ACOT7: variants seen among roughly 807,000 people sequenced by gnomAD.
ACOT7 encodes the protein acyl-CoA thioesterase 7.
ACOT7 carries 12 observed loss-of-function variants against 40.2 expected under a neutral mutation model. The observed-to-expected ratio is 0.30, with a 90% confidence interval of 0.19 to 0.48. The LOEUF (loss-of-function observed/expected upper bound fraction) is 0.48. ACOT7 is among the 20% of genes least tolerant of loss of function. ACOT7 has a pLI of 0.99. For synonymous variants in ACOT7, 228 were observed against 219.5 expected (o/e 1.04, Z -0.34); for missense variants, 395 against 530.8 (o/e 0.74, Z 2.51).
At chr1:6,310,418 C>A (rs112936874) in intron 6 of ACOT7, among the ~76,000 whole-genome samples, 17 of 152,296 alleles carry the variant, frequency 1.1e-4, no homozygotes, top group Admixed American at 6.5e-4. Flanking sequence ...CGCCCACCAG[C>A]GTGGGAGGAT....
chr1:6,307,410 T>C (rs7546602), intron 6 of ACOT7, among the ~76,000 whole-genome samples: 13,118 of 152,270 alleles, frequency 0.086, 974 homozygotes, highest in African/African-American at 0.19. Flanking sequence ...TAAGTGGGAA[T>C]GCAGGAGTGA....
rs1222608181 is a variant in ACOT7, at chr1:6,285,138, G to A, written c.830-3852C>T. ...CCAGGGGGCCCAAAGCAGGTATCCA[G>A]TTGACAGGCTGGACCCCTCTGGGGA... On this transcript the variant is annotated intron_variant, in intron 7 of 8. Coordinates refer to ENST00000361521, the MANE Select transcript of ACOT7 (RefSeq NM_007274.4). Among the ~76,000 whole-genome samples the A allele has an allele frequency of 2.0e-5, 3 of 152,304 alleles. No homozygotes were observed. The East Asian group carries it at 5.8e-4, about 29-fold the overall frequency.
At chr1:6,266,547 G>A (rs910335333) in intron 8 of ACOT7, among the ~76,000 whole-genome samples, 1 of 152,362 alleles carries the variant, frequency 6.6e-6, no homozygotes, top group East Asian at 1.9e-4. Flanking sequence ...GCTGTGGCCC[G>A]CGGACCACAT....
chr1:6,377,067 A>C (rs1174550148), intron 1 of ACOT7, among the ~76,000 whole-genome samples: 1 of 152,220 alleles, frequency 6.6e-6, no homozygotes, highest in South Asian at 2.1e-4. Flanking sequence ...GCCTAAACCC[A>C]AAGTACTGAC....
intron 1 of ACOT7, among the ~76,000 whole-genome samples, chr1:6,391,488 AGAGT>A (rs1227407520): frequency 6.6e-6 from 1 of 152,246 alleles, no homozygotes; most frequent in Non-Finnish European, 1.5e-5. Flanking sequence ...CCCGGGTGAC[AGAGT>A]GAGACTCTGT....
At chr1:6,266,036 C>T (rs922264036) in intron 8 of ACOT7, among the ~76,000 whole-genome samples, 2 of 152,286 alleles carry the variant, frequency 1.3e-5, no homozygotes, top group African/African-American at 4.8e-5. Context: ...ATGGAATCTT[C>T]GGGTATTTAA....
intron 7 of ACOT7, among the ~76,000 whole-genome samples, chr1:6,287,563 T>C (rs1156814646): frequency 6.6e-6 from 1 of 152,164 alleles, no homozygotes; most frequent in Non-Finnish European, 1.5e-5. Context: ...TGGGCTGAAT[T>C]GTGAATTACA....
chr1:6,306,568 G>C lies in ACOT7; in HGVS notation c.713-11588C>G. The C allele has an allele frequency of 1.0e-6, 1 of 985,438 alleles. No homozygotes were observed. Among genetic ancestry groups the C allele is most frequent in the Non-Finnish European group, 1.2e-6 (1 of 829,928 alleles). 61.0% of individuals were successfully genotyped at this position (985,438 alleles called of 1,614,324 possible). A position where few individuals can be genotyped will look rare whatever the true frequency, so the allele number is the denominator to read the frequency against. ...TTCAGAACAGAAGAACCTGGAGAAC[G>C]ATGTTTTCAAACACCAAGATCCTAG... is the stretch of plus-strand genomic sequence containing the variant. On this transcript the variant is annotated intron_variant, in intron 6 of 8. Transcript: ENST00000361521. This position sits in a 1 kb window ranked among gnomAD's most constrained non-coding sequence, Gnocchi z 4.3.
intron 3 of ACOT7, among the ~76,000 whole-genome samples, chr1:6,334,369 C>T (rs1641043175): frequency 6.6e-6 from 1 of 152,262 alleles, no homozygotes; most frequent in African/African-American, 2.4e-5. Flanking sequence ...CCCAGAAAGA[C>T]ACTTGGCCCA....
At chr1:6,371,361 CCTTT>C (rs1642130166) in intron 1 of ACOT7, among the ~76,000 whole-genome samples, 1 of 127,058 alleles carries the variant, frequency 7.9e-6, no homozygotes, top group Non-Finnish European at 1.6e-5. Context: ...GTCAGCCTGT[CCTTT>C]TTTTTTTTTT....
At position 6,383,741 on chromosome 1, in the gene ACOT7, G is replaced by A. The variant is rs539322426; in HGVS notation, c.143+9516C>T. Among the ~76,000 whole-genome samples the A allele has an allele frequency of 4.6e-5, 7 of 151,302 alleles. No homozygotes were observed. In the East Asian group the frequency reaches 5.9e-4, roughly 13 times the overall value. On this transcript the variant is annotated intron_variant, in intron 1 of 8. Coordinates refer to ENST00000361521, the MANE Select transcript of ACOT7 (RefSeq NM_007274.4). The stretch of plus-strand genomic sequence containing the variant: ...TTCTTTTGAGACGGAGTCTTGCTCC[G>A]TGGCCCAGGCTGGAGTGCAGTGGCA...
intron 2 of ACOT7, among the ~76,000 whole-genome samples, chr1:6,341,356 C>T (rs2148446787): frequency 6.6e-6 from 1 of 152,176 alleles, no homozygotes; most frequent in Middle Eastern, 3.4e-3. Context: ...TGGCCTCAAA[C>T]TCTTGACTTC....
Position 6,330,129 on chromosome 1 carries a change from G to T in ACOT7, c.511-2716C>A. On this transcript the variant is annotated intron_variant, in intron 4 of 8. Transcript: ENST00000361521. This position sits in a 1 kb window ranked among gnomAD's most constrained non-coding sequence, Gnocchi z 4.6. ...GCATACGTATGTGACATCTCTATTT[G>T]TATGTGTATATATAATATATATCTG... Among the ~76,000 whole-genome samples the T allele has an allele frequency of 6.6e-6, 1 of 152,170 alleles. No homozygotes were observed. The highest frequency in any genetic ancestry group is 1.5e-5 in the Non-Finnish European group (1 of 68,036).
chr1:6,337,582 C>T (rs570659781), intron 3 of ACOT7, among the ~76,000 whole-genome samples: 83 of 152,160 alleles, frequency 5.5e-4, no homozygotes, highest in Non-Finnish European at 8.4e-4. Context: ...GTACCCCTGA[C>T]CTTTGGCCTG....
At chr1:6,356,683 C>T (rs191459290) in intron 1 of ACOT7, among the ~76,000 whole-genome samples, 4 of 151,700 alleles carry the variant, frequency 2.6e-5, no homozygotes, top group Non-Finnish European at 5.9e-5. Context: ...CTTTGGGAGG[C>T]CGAGGCGGGC....
chr1:6,328,611 G>A lies in ACOT7; in HGVS notation c.511-1198C>T, dbSNP rs12094205. ...GCAAGGGAATCGCTTGAATCCGGGA[G>A]ATGGAGGTTGCAGTGAGCCGAGATT... is the stretch of plus-strand genomic sequence containing the variant. On this transcript the variant is annotated intron_variant, in intron 4 of 8. Coordinates refer to ENST00000361521, the MANE Select transcript of ACOT7 (RefSeq NM_007274.4). 2.1e-3 allele frequency among the ~76,000 whole-genome samples: 319 copies of A among 152,276 alleles called. 3 individuals are homozygous for A. The highest frequency in any genetic ancestry group is 6.8e-3 in the African/African-American group (283 of 41,556).
intron 7 of ACOT7, among the ~76,000 whole-genome samples, chr1:6,292,230 C>T (rs1437723122): frequency 6.6e-6 from 1 of 152,266 alleles, no homozygotes; most frequent in Non-Finnish European, 1.5e-5. Flanking sequence ...CTTTCTGTTT[C>T]TGGTAAGGGG....
chr1:6,382,965 G>A (rs1381859409), intron 1 of ACOT7, among the ~76,000 whole-genome samples: 1 of 150,974 alleles, frequency 6.6e-6, no homozygotes, highest in East Asian at 2.0e-4. Context: ...TGCAACCTCC[G>A]CCTCCCAGGT....
At chr1:6,387,669 C>T (rs951314549) in intron 1 of ACOT7, among the ~76,000 whole-genome samples, 1 of 152,186 alleles carries the variant, frequency 6.6e-6, no homozygotes, top group South Asian at 2.1e-4. Flanking sequence ...GAGAAAGCCA[C>T]TTCTGGTCTG....
Sources: gnomAD v4.1 joint callset for allele counts (sites outside exome capture counted in the v4.1 genomes callset) on GRCh38, gnomAD v4.1.1 for gene constraint, Gnocchi (gnomAD v3.1) non-coding constraint, MANE v1.5 for transcripts, NCBI Gene and HGNC (gene_info 2026-07-23, HGNC 2026-07-21) for gene names.